Variants in KDM2A observed in about 807,000 individuals in gnomAD.
KDM2A encodes the protein lysine demethylase 2A, also known as lysine-specific demethylase 2A.
Under a neutral mutation model 137.3 loss-of-function variants are expected in KDM2A, and 3 were observed. The observed-to-expected ratio is 0.02, with a 90% confidence interval of 0.01 to 0.06. The LOEUF (loss-of-function observed/expected upper bound fraction) is 0.06. Among genes scored for constraint, KDM2A ranks in the 10% least tolerant of loss-of-function variants. KDM2A has a pLI of 1.00. For synonymous variants in KDM2A, 512 were observed against 541.5 expected (o/e 0.95, Z 0.76); for missense variants, 738 against 1,510.6 (o/e 0.49, Z 8.48).
chr11:67,218,351 A>G (rs569886408), intron 9 of KDM2A, among the ~76,000 whole-genome samples: 1 of 152,324 alleles, frequency 6.6e-6, no homozygotes, highest in East Asian at 1.9e-4. Context: ...CTGACTATGC[A>G]TTTACCTGCT....
At chr11:67,224,493 TCTCG>T (rs1858471510) in intron 10 of KDM2A, among the ~76,000 whole-genome samples, 1 of 113,268 alleles carries the variant, frequency 8.8e-6, no homozygotes, top group Non-Finnish European at 1.7e-5. Flanking sequence ...TGAGACAGAG[TCTCG>T]CTCTGTCCCC....
chr11:67,165,576 C>T (rs1856722389), intron 2 of KDM2A, among the ~76,000 whole-genome samples: 1 of 152,168 alleles, frequency 6.6e-6, no homozygotes, highest in Non-Finnish European at 1.5e-5. Context: ...TTAATCACAG[C>T]TCCAGAGAGA....
Position 67,128,134 on chromosome 11 carries a change from C to T in KDM2A, c.42+6776C>T, listed in dbSNP as rs920982186. ...CCTCTTACCTCAGCCTCCTGAGTGG[C>T]TGGTACCACAGATACATGCCACCAC... On this transcript the variant is annotated intron_variant, in intron 2 of 20. Transcript: ENST00000529006. 4.0e-5 allele frequency among the ~76,000 whole-genome samples: 6 copies of T among 150,850 alleles called. No homozygotes were observed. In the Admixed American group the frequency reaches 4.0e-4, roughly 10 times the overall value.
rs530100451 is a variant in KDM2A, at chr11:67,223,065, G to C, written c.957+3662G>C. Among the ~76,000 whole-genome samples, 6 of 152,034 alleles carry C rather than the reference G, an allele frequency of 3.9e-5. No individual in the cohort carries two copies. The South Asian group carries it at 1.2e-3, about 31-fold the overall frequency. ...AAATTAGCCAGGCGTGGTGGCACAT[G>C]CCTGTAATCCCAGCTACTCAGGAGG... is the stretch of plus-strand genomic sequence containing the variant. On this transcript the variant is annotated intron_variant, in intron 10 of 20. Coordinates refer to ENST00000529006, the MANE Select transcript of KDM2A (RefSeq NM_012308.3).
chr11:67,150,561 C>T (rs1019149153), intron 2 of KDM2A, among the ~76,000 whole-genome samples: 5 of 152,050 alleles, frequency 3.3e-5, no homozygotes, highest in Non-Finnish European at 5.9e-5. Context: ...GATGTTAGTT[C>T]TCTGGAAACC....
At chr11:67,135,472 C>T (rs887729671) in intron 2 of KDM2A, among the ~76,000 whole-genome samples, 8 of 152,098 alleles carry the variant, frequency 5.3e-5, no homozygotes, top group South Asian at 2.1e-4. Flanking sequence ...AGCTGAAGAC[C>T]GCATGATCAC....
At chr11:67,197,061 C>T (rs1857501035) in intron 5 of KDM2A, 1 of 152,416 alleles carries the variant, frequency 6.6e-6, no homozygotes, top group African/African-American at 2.4e-5. Flanking sequence ...CTTTGGAAGC[C>T]CTTTGTAACC....
chr11:67,160,958 T>A (rs937214303), intron 2 of KDM2A, among the ~76,000 whole-genome samples: 6 of 152,112 alleles, frequency 3.9e-5, no homozygotes, highest in African/African-American at 1.4e-4. Context: ...AATAAATAAT[T>A]AATGAACAAA....
chr11:67,152,858 C>T (rs1343760315), intron 2 of KDM2A, among the ~76,000 whole-genome samples: 1 of 150,024 alleles, frequency 6.7e-6, no homozygotes, highest in Non-Finnish European at 1.5e-5. Context: ...AAAACAAAAG[C>T]ATTTTTAATT....
chr11:67,132,486 A>G (rs773369698), intron 2 of KDM2A, among the ~76,000 whole-genome samples: 17 of 152,110 alleles, frequency 1.1e-4, no homozygotes, highest in South Asian at 2.1e-4. Context: ...GGTCTCAACT[A>G]TTATTGGCCA....
At chr11:67,143,944 A>AT (rs560706398) in intron 2 of KDM2A, among the ~76,000 whole-genome samples, 12,067 of 142,790 alleles carry the variant, frequency 0.085, 1,583 homozygotes, top group African/African-American at 0.28. Context: ...AAAAAAAACT[A>AT]TTTTTTTTTT....
At chr11:67,184,691 C>T (rs1857164988) in intron 5 of KDM2A, among the ~76,000 whole-genome samples, 1 of 152,132 alleles carries the variant, frequency 6.6e-6, no homozygotes, top group Admixed American at 6.6e-5. Context: ...CTCTTTTCCC[C>T]TTTAAGAGCC....
chr11:67,149,208 T>G (rs780910065), intron 2 of KDM2A: 6 of 152,118 alleles, frequency 3.9e-5, no homozygotes, highest in Non-Finnish European at 7.4e-5. Context: ...ATAACCTGGT[T>G]TTGGTGGAGT....
chr11:67,250,156 A>C lies in KDM2A; in HGVS notation c.2126A>C (p.Asp709Ala). 6.2e-7 allele frequency: 1 copy of C among 1,613,636 alleles called. No individual in the cohort carries two copies. Among genetic ancestry groups the C allele is most frequent in the Non-Finnish European group, 8.5e-7 (1 of 1,179,758 alleles). ...AKVLRPLRSC[D>A]EPLTPPPHSP... is the part of the protein sequence containing the mutation. ...GTCCTGCGGCCCCTGCGGAGCTGCGATGAGCCTCTCACGCCCCCGCCTCAT... is the reference window on the plus strand; with the variant it reads ...GTCCTGCGGCCCCTGCGGAGCTGCGCTGAGCCTCTCACGCCCCCGCCTCAT... Residue 709 changes from aspartate (D) to alanine (A), a missense_variant, in exon 17 of 21, where the codon GAT becomes GCT. Coordinates refer to ENST00000529006, the MANE Select transcript of KDM2A (RefSeq NM_012308.3). The surrounding 1 kb of genome is among the most constrained non-coding windows in gnomAD (Gnocchi z 7.1).
intron 2 of KDM2A, among the ~76,000 whole-genome samples, chr11:67,126,924 A>C (rs1855744472): frequency 6.6e-6 from 1 of 152,048 alleles, no homozygotes; most frequent in Non-Finnish European, 1.5e-5. Flanking sequence ...CTTAAGTAAG[A>C]CTTAATTTTT....
intron 2 of KDM2A, among the ~76,000 whole-genome samples, chr11:67,133,480 G>T (rs1309516349): frequency 6.6e-6 from 1 of 152,064 alleles, no homozygotes; most frequent in Non-Finnish European, 1.5e-5. Flanking sequence ...TCTGCTCACT[G>T]TAACCTCTGC....
chr11:67,148,212 T>C (rs899661492), intron 2 of KDM2A, among the ~76,000 whole-genome samples: 1 of 151,984 alleles, frequency 6.6e-6, no homozygotes, highest in East Asian at 1.9e-4. Flanking sequence ...TTTTGAACTC[T>C]GGGGTTTGAG....
intron 2 of KDM2A, among the ~76,000 whole-genome samples, chr11:67,165,531 AT>A (rs1038113986): frequency 2.0e-5 from 3 of 152,194 alleles, no homozygotes; most frequent in Non-Finnish European, 2.9e-5. Context: ...TCATTTGTTG[AT>A]TAAGAGACTG....
intron 12 of KDM2A, among the ~76,000 whole-genome samples, chr11:67,235,169 A>G (rs965776893): frequency 6.6e-6 from 1 of 151,472 alleles, no homozygotes; most frequent in African/African-American, 2.4e-5. Flanking sequence ...AAGAAAAAAG[A>G]AAGGAAGTAT....
Sources: gnomAD v4.1 joint callset for allele counts (sites outside exome capture counted in the v4.1 genomes callset) on GRCh38, gnomAD v4.1.1 for gene constraint, Gnocchi (gnomAD v3.1) non-coding constraint, MANE v1.5 for transcripts, NCBI Gene and HGNC (gene_info 2026-07-23, HGNC 2026-07-21) for gene names.